The following PC variants were observed in gnomAD, a reference collection of about 807,000 sequenced individuals.
PC encodes the protein pyruvate carboxylase, mitochondrial.
Under a neutral mutation model 107.8 loss-of-function variants are expected in PC, and 46 were observed. The ratio of observed to expected loss-of-function variants is 0.43; its 90% CI spans 0.34 to 0.55. The LOEUF (loss-of-function observed/expected upper bound fraction) is 0.55, where lower values mean the gene tolerates loss of function less well. Ranked by LOEUF, PC falls within the 20% of genes least tolerant of loss-of-function variation. The pLI is 0.04. For synonymous variants in PC, 662 were observed against 684.7 expected (o/e 0.97, Z 0.52); for missense variants, 1,241 against 1,643.1 (o/e 0.76, Z 4.23).
In PC at chr11:66,850,071, C is replaced by T. The variant is rs1490766411; in HGVS notation, c.2764G>A (p.Val922Met). ...TCTGCCCGGCTCAATCCATTCTGCA[C>T]CATAAACTGGGCCAGGTCCCCCACG... Reference protein sequence around the residue: ...KIVGDLAQFMVQNGLSRAEAE... With the variant: ...KIVGDLAQFMMQNGLSRAEAE... Residue 922 changes from valine to methionine, a missense_variant, in exon 20 of 23, where the codon GTG becomes ATG. By Grantham distance (21) the Val-to-Met change is conservative. Coordinates refer to ENST00000393960, the MANE Select transcript of PC (RefSeq NM_001040716.2). The T allele has an allele frequency of 4.3e-6, 7 of 1,613,720 alleles. No individual in the cohort carries two copies. The highest frequency in any genetic ancestry group is 5.9e-6 in the Non-Finnish European group (7 of 1,180,050).
At chr11:66,865,666 GC>G (rs957261382) in intron 11 of PC, among the ~76,000 whole-genome samples, 4 of 152,084 alleles carry the variant, frequency 2.6e-5, no homozygotes, top group Non-Finnish European at 5.9e-5. Context: ...CCATCTCGCG[GC>G]CCCGAATCTA....
chr11:66,852,362 C>T lies in PC; in HGVS notation c.1825+77G>A. 2 of 1,172,732 alleles carry T rather than the reference C, an allele frequency of 1.7e-6. No homozygotes were observed. Among genetic ancestry groups the T allele is most frequent in the South Asian group, 1.2e-5 (1 of 81,588 alleles). The allele number at this position is 1,172,732 out of a possible 1,614,324, so 72.6% of individuals were successfully genotyped here. On this transcript the variant is annotated intron_variant, in intron 15 of 22. Transcript: ENST00000393960. The surrounding 1 kb of genome is among the most constrained non-coding windows in gnomAD (Gnocchi z 4.7). ...CGTGTCAGCGTCTCTAGCTTGTCCC[C>T]AGTGGCCTAAGCCTGTGGGACTGGC...
In PC at chr11:66,869,100, C is replaced by T. The variant is rs368450543; in HGVS notation, c.904-136G>A. 2.1e-5 allele frequency: 14 copies of T among 681,982 alleles called. No homozygotes were observed. The Admixed American group carries it at 2.3e-4, about 11-fold the overall frequency. The allele number at this position is 681,982 out of a possible 1,614,324, so 42.2% of individuals were successfully genotyped here. On this transcript the variant is annotated intron_variant, in intron 9 of 22. Coordinates refer to ENST00000393960, the MANE Select transcript of PC (RefSeq NM_001040716.2). The stretch of plus-strand genomic sequence containing the variant: ...TGGCCTGTGGCAAACCCTGCCCCCA[C>T]AGATGGCAGACAGACCCCAGGGCCC...
In PC at chr11:66,863,785, G is replaced by A. The variant is rs768514713; in HGVS notation, c.1357C>T (p.Arg453Ter). ...MSRALAEFRV[R>*]GVKTNIAFLQ... ...CTGCAGCCTCTCACCTTCACACCTC[G>A]GACGCGGAACTCCGCAAGGGCCCTG... The change falls in exon 12 of 23, where the codon CGA (arginine) becomes TGA (stop). Residue 453 changes from arginine to a stop codon, truncating the protein, a stop_gained. Coordinates refer to ENST00000393960, the MANE Select transcript of PC (RefSeq NM_001040716.2). LOFTEE classifies it high-confidence loss of function. 2.5e-6 allele frequency: 4 copies of A among 1,611,120 alleles called. No homozygotes were observed. The highest frequency in any genetic ancestry group is 1.3e-5 in the African/African-American group (1 of 75,026).
intron 12 of PC, among the ~76,000 whole-genome samples, chr11:66,862,765 T>C (rs1444214765): frequency 2.0e-5 from 3 of 152,118 alleles, no homozygotes; most frequent in Non-Finnish European, 4.4e-5. Flanking sequence ...AGATCCTAAA[T>C]ACCCATTTAG....
chr11:66,948,992 A>T (rs935958039), intron 3 of PC, among the ~76,000 whole-genome samples: 4 of 151,284 alleles, frequency 2.6e-5, no homozygotes, highest in Non-Finnish European at 4.4e-5. Context: ...ATTATTATTT[A>T]TTATTATTAT....
In PC at chr11:66,870,640, C is replaced by G. The variant is rs1316675610; in HGVS notation, c.751+135G>C. On this transcript the variant is annotated intron_variant, in intron 8 of 22. Coordinates refer to ENST00000393960, the MANE Select transcript of PC (RefSeq NM_001040716.2). This position sits in a 1 kb window ranked among gnomAD's most constrained non-coding sequence, Gnocchi z 6.1. ...CTGCCAGCTCGGCCCCTAGAGCCCACTTTCCAGAGTCCTCTGGAAAAGCGC... is the reference window on the plus strand; with the variant it reads ...CTGCCAGCTCGGCCCCTAGAGCCCAGTTTCCAGAGTCCTCTGGAAAAGCGC... 6 of 1,137,558 alleles carry G rather than the reference C, an allele frequency of 5.3e-6. No individual in the cohort carries two copies. The highest frequency in any genetic ancestry group is 7.9e-6 in the Non-Finnish European group (6 of 763,200). 70.5% of individuals were successfully genotyped at this position (1,137,558 alleles called of 1,614,324 possible). A position where few individuals can be genotyped will look rare whatever the true frequency, so the allele number is the denominator to read the frequency against.
intron 3 of PC, among the ~76,000 whole-genome samples, chr11:66,927,377 A>C (rs540629055): frequency 2.0e-5 from 3 of 150,652 alleles, no homozygotes; most frequent in Non-Finnish European, 4.4e-5. Context: ...CACACACAGC[A>C]GCCCAGGAAT....
At chr11:66,890,394 ATTT>A (rs148706185) in intron 3 of PC, among the ~76,000 whole-genome samples, 3 of 123,436 alleles carry the variant, frequency 2.4e-5, no homozygotes, top group Non-Finnish European at 3.5e-5. Context: ...ATTGTTTCCC[ATTT>A]TTTTTTTTTT....
chr11:66,903,699 G>A (rs1376413371), intron 3 of PC, among the ~76,000 whole-genome samples: 3 of 122,878 alleles, frequency 2.4e-5, no homozygotes, highest in Non-Finnish European at 4.8e-5. Flanking sequence ...AGTGAGCCAA[G>A]ATGGTGCCAT....
Position 66,926,912 on chromosome 11 carries a change from C to T in PC, c.-1+25518G>A, listed in dbSNP as rs572634070. Among the ~76,000 whole-genome samples, 3 of 152,010 alleles carry T rather than the reference C, an allele frequency of 2.0e-5. No homozygotes were observed. In the East Asian group the frequency reaches 5.8e-4, roughly 30 times the overall value. On this transcript the variant is annotated intron_variant, in intron 3 of 22. Coordinates refer to ENST00000393960, the MANE Select transcript of PC (RefSeq NM_001040716.2). ...TTCACTCCTTTTTATGGCTGAACAACATTCCACTGGATGGGTAGGCCACAT... is the reference window on the plus strand; with the variant it reads ...TTCACTCCTTTTTATGGCTGAACAATATTCCACTGGATGGGTAGGCCACAT...
In PC at chr11:66,941,714, G is replaced by A. The variant is rs184329532; in HGVS notation, c.-1+10716C>T. 1.3e-3 allele frequency among the ~76,000 whole-genome samples: 196 copies of A among 152,158 alleles called. 1 individual carries two copies. Among genetic ancestry groups the A allele is most frequent in the African/African-American group, 4.6e-3 (191 of 41,556 alleles). On this transcript the variant is annotated intron_variant, in intron 3 of 22. Transcript: ENST00000393960. Reference sequence around the variant, plus strand: ...TCACCGTGTTAGCCAGGATGGTATCGATCTCCTGACCTCGTGATCTGCCTG... The same window carrying A: ...TCACCGTGTTAGCCAGGATGGTATCAATCTCCTGACCTCGTGATCTGCCTG...
intron 12 of PC, among the ~76,000 whole-genome samples, 176 bp downstream of exon 12, chr11:66,863,598 G>A (rs934239288): frequency 6.6e-6 from 1 of 152,220 alleles, no homozygotes; most frequent in Non-Finnish European, 1.5e-5. Flanking sequence ...TGCAGACTCT[G>A]AAAACAGCTG....
chr11:66,850,660 G>A lies in PC; in HGVS notation c.2473+14C>T. 1.2e-6 allele frequency: 2 copies of A among 1,606,896 alleles called. No homozygotes were observed. The highest frequency in any genetic ancestry group is 1.7e-6 in the Non-Finnish European group (2 of 1,179,686). On this transcript the variant is annotated intron_variant, in intron 18 of 22. Transcript: ENST00000393960. The stretch of plus-strand genomic sequence containing the variant: ...TTTGAGAGGGGTGTGGCCACGGGCT[G>A]CTGTTCTTCCTACCTGTGTCCAGGG...
intron 3 of PC, among the ~76,000 whole-genome samples, chr11:66,878,366 C>CG (rs1305758101): frequency 6.6e-6 from 1 of 152,228 alleles, no homozygotes; most frequent in Non-Finnish European, 1.5e-5. Flanking sequence ...GTCCACACCA[C>CG]ACTCACTCCC....
chr11:66,911,060 T>G (rs537241832), intron 3 of PC, among the ~76,000 whole-genome samples: 10 of 152,244 alleles, frequency 6.6e-5, no homozygotes, highest in Admixed American at 1.3e-4. Flanking sequence ...AGGTAACGTA[T>G]TTTTGAAATA....
Position 66,870,787 on chromosome 11 carries a change from C to A in PC, c.739G>T (p.Val247Leu). The A allele has an allele frequency of 6.2e-7, 1 of 1,612,872 alleles. No homozygotes were observed. Among genetic ancestry groups the A allele is most frequent in the African/African-American group, 1.3e-5 (1 of 75,048 alleles). ...CAGGACCACTCACCCAAGATCTGCA[C>A]CTCGATGTGCCGTGGCTTCTCGATG... The part of the protein sequence containing the change: ...KFIEKPRHIE[V>L]QILGDQYGNI... Residue 247 changes from valine (V) to leucine (L), a missense_variant, in exon 8 of 23, where the codon GTG (valine) becomes TTG (leucine). This residue lies in a region of PC where 1,143 missense variants were observed against 1,551.9 expected (regional missense o/e 0.74). Coordinates refer to ENST00000393960, the MANE Select transcript of PC (RefSeq NM_001040716.2). The surrounding 1 kb of genome is among the most constrained non-coding windows in gnomAD (Gnocchi z 6.1).
At chr11:66,872,914 G>A (rs1946799458) in intron 3 of PC, among the ~76,000 whole-genome samples, 1 of 152,030 alleles carries the variant, frequency 6.6e-6, no homozygotes, top group African/African-American at 2.4e-5. Flanking sequence ...GCACACGCCT[G>A]TAATTCTAGC....
At position 66,872,047 on chromosome 11, in the gene PC, T is replaced by C. The variant is rs766975630; in HGVS notation, c.113A>G (p.Lys38Arg). 4 of 1,562,470 alleles carry C rather than the reference T, an allele frequency of 2.6e-6. No homozygotes were observed. The highest frequency in any genetic ancestry group is 3.5e-6 in the Non-Finnish European group (4 of 1,153,202). Residue 38 changes from lysine (K) to arginine (R), a missense_variant, in exon 4 of 23, where the codon AAG (lysine) becomes AGG (arginine). Lys to Arg is a conservative substitution (Grantham distance 26). Around this residue, in one of 2 missense-constraint regions of PC, gnomAD observed 1,143 missense variants for 1,551.9 expected, o/e 0.74. Transcript: ENST00000393960. The stretch of plus-strand genomic sequence containing the variant: ...ACCTCTGTTGGCCACCATGACTTTC[T>C]TGATGGGCTTATACTCCAGGCGCCG... ...NVRRLEYKPI[K>R]KVMVANRGEI...
Sources: allele counts gnomAD v4.1 joint callset (sites outside exome capture counted in the v4.1 genomes callset), GRCh38; gene constraint gnomAD v4.1.1; regional missense constraint gnomAD v4.1.1; non-coding constraint Gnocchi (gnomAD v3.1); transcripts MANE v1.5; gene names NCBI Gene and HGNC (gene_info 2026-07-23, HGNC 2026-07-21).